IQSEC1: variants seen among roughly 807,000 people sequenced by gnomAD.
IQSEC1 encodes the protein IQ motif and SEC7 domain-containing protein 1.
In IQSEC1, 31 loss-of-function variants were observed where a neutral mutation model predicts 91.0. The ratio of observed to expected loss-of-function variants is 0.34; its 90% CI spans 0.26 to 0.46. IQSEC1 has a LOEUF of 0.46. Ranked by LOEUF, IQSEC1 falls within the 20% of genes least tolerant of loss-of-function variation. The pLI, the probability that IQSEC1 is intolerant of heterozygous loss-of-function variation, is 1.00. For missense variants in IQSEC1, 1,388 were observed against 1,575.6 expected (o/e 0.88, Z 2.02); for synonymous variants, 699 against 662.6 (o/e 1.05, Z -0.84).
intron 1 of IQSEC1, among the ~76,000 whole-genome samples, chr3:13,234,049 A>G (rs1025920542): frequency 1.1e-4 from 17 of 152,240 alleles, no homozygotes; most frequent in African/African-American, 3.9e-4. Flanking sequence ...CCGGGATCCC[A>G]GTGGAATTTA....
chr3:13,183,441 C>T (rs1291633353), intron 1 of IQSEC1, among the ~76,000 whole-genome samples: 2 of 151,700 alleles, frequency 1.3e-5, no homozygotes, highest in Non-Finnish European at 2.9e-5. Context: ...TGGTGCAGGC[C>T]TGTGGTCCCA....
intron 1 of IQSEC1, among the ~76,000 whole-genome samples, chr3:13,280,964 A>C (rs1027955348): frequency 9.9e-5 from 15 of 152,190 alleles, no homozygotes; most frequent in African/African-American, 3.6e-4. Context: ...GGCTGCCTGG[A>C]TGCAACCCAG....
intron 9 of IQSEC1, among the ~76,000 whole-genome samples, chr3:12,912,931 T>G (rs544873217): frequency 6.6e-6 from 1 of 152,328 alleles, no homozygotes; most frequent in African/African-American, 2.4e-5. Flanking sequence ...AGGTGGGGCT[T>G]GGGACCTAGG....
At chr3:12,961,726 AC>A (rs1343297989) in intron 1 of IQSEC1, among the ~76,000 whole-genome samples, 1 of 152,210 alleles carries the variant, frequency 6.6e-6, no homozygotes, top group Non-Finnish European at 1.5e-5. Flanking sequence ...CGGGCCTAAA[AC>A]ATCAGCTAAA....
At chr3:13,106,747 C>A (rs901193536) in intron 2 of IQSEC1, among the ~76,000 whole-genome samples, 6 of 152,246 alleles carry the variant, frequency 3.9e-5, no homozygotes, top group African/African-American at 1.4e-4. Context: ...CCTGAGTACA[C>A]ACTCAAAACA....
At chr3:12,944,456 T>A (rs113364236) in intron 1 of IQSEC1, among the ~76,000 whole-genome samples, 36 of 152,300 alleles carry the variant, frequency 2.4e-4, no homozygotes, top group African/African-American at 8.2e-4. Flanking sequence ...CATCCCACAC[T>A]GTCTGACCCC....
chr3:13,167,710 G>A (rs1189589506), intron 1 of IQSEC1, among the ~76,000 whole-genome samples: 1 of 152,202 alleles, frequency 6.6e-6, no homozygotes, highest in Non-Finnish European at 1.5e-5. Flanking sequence ...GCCTTCAGAC[G>A]GCCAAGGCTC....
At chr3:12,906,015 C>T (rs1173782385) in intron 12 of IQSEC1, among the ~76,000 whole-genome samples, 2 of 152,214 alleles carry the variant, frequency 1.3e-5, no homozygotes, top group East Asian at 3.8e-4. Flanking sequence ...GGGGCCGGCG[C>T]CAGCCCCCTT....
chr3:13,212,131 T>G (rs1286072729), intron 1 of IQSEC1, among the ~76,000 whole-genome samples: 1 of 152,212 alleles, frequency 6.6e-6, no homozygotes, highest in Non-Finnish European at 1.5e-5. Context: ...AAAGTGGAGC[T>G]AATCGTACCT....
intron 1 of IQSEC1, among the ~76,000 whole-genome samples, chr3:13,063,108 C>T (rs1175986112): frequency 6.6e-6 from 1 of 152,218 alleles, no homozygotes; most frequent in Non-Finnish European, 1.5e-5. Flanking sequence ...AGCCGGGACT[C>T]CTGGGCTGGG....
chr3:12,976,343 C>T (rs570159918), intron 1 of IQSEC1, among the ~76,000 whole-genome samples: 4 of 152,346 alleles, frequency 2.6e-5, no homozygotes, highest in South Asian at 4.1e-4. Context: ...AGTGGGGAAG[C>T]GGTCCTTGCC....
At chr3:13,262,064 G>A (rs773359575) in intron 1 of IQSEC1, among the ~76,000 whole-genome samples, 2 of 152,202 alleles carry the variant, frequency 1.3e-5, no homozygotes, top group Non-Finnish European at 2.9e-5. Context: ...CTTTTCCTGT[G>A]ACCATAAAGC....
chr3:12,949,591 C>T (rs71306030), intron 1 of IQSEC1, among the ~76,000 whole-genome samples: 2,995 of 152,370 alleles, frequency 0.02, 169 homozygotes, highest in Admixed American at 0.12. Flanking sequence ...CAATTCATTT[C>T]CAGCCCTCAC....
chr3:13,276,566 G>A (rs1440335833), intron 1 of IQSEC1, among the ~76,000 whole-genome samples: 1 of 152,288 alleles, frequency 6.6e-6, no homozygotes, highest in African/African-American at 2.4e-5. Flanking sequence ...CAAGCAGCAG[G>A]GAAGTGGCTG....
At position 13,193,372 on chromosome 3, in the gene IQSEC1, C is replaced by T. The variant is rs1692939106; in HGVS notation, c.273-29239G>A. Reference sequence around the variant, plus strand: ...TGGGGGTGGGAGGTCTGAAATCCACCAGTGAGTTTTAAACTAGGAAGGTAA... The same window carrying T: ...TGGGGGTGGGAGGTCTGAAATCCACTAGTGAGTTTTAAACTAGGAAGGTAA... On this transcript the variant is annotated intron_variant, in intron 1 of 15. Transcript: ENST00000648114. The surrounding 1 kb of genome is among the most constrained non-coding windows in gnomAD (Gnocchi z 4.2). Among the ~76,000 whole-genome samples, 1 of 152,140 alleles carries T rather than the reference C, an allele frequency of 6.6e-6. No individual in the cohort carries two copies. Among genetic ancestry groups the T allele is most frequent in the African/African-American group, 2.4e-5 (1 of 41,404 alleles).
intron 1 of IQSEC1, among the ~76,000 whole-genome samples, chr3:13,060,905 G>C (rs1469979765): frequency 6.6e-6 from 1 of 152,180 alleles, no homozygotes; most frequent in Non-Finnish European, 1.5e-5. Flanking sequence ...TCAGCCCAGG[G>C]GGGAGCCTTG....
chr3:13,015,660 G>T (rs1703091745), intron 1 of IQSEC1: 1 of 985,036 alleles, frequency 1.0e-6, no homozygotes, highest in Admixed American at 6.1e-5. Flanking sequence ...TGAGCTGTGG[G>T]TCCATCCCCA....
At chr3:12,917,274 T>C (rs982479299) in intron 6 of IQSEC1, among the ~76,000 whole-genome samples, 6 of 152,234 alleles carry the variant, frequency 3.9e-5, no homozygotes, top group East Asian at 1.9e-4. Context: ...ATGTTTTAGA[T>C]TGGGGTCCAC....
rs777905440 is a variant in IQSEC1 at position 12,899,187 on chromosome 3, G to T, written c.*1796C>A. On this transcript the variant is annotated 3_prime_UTR_variant, in exon 14 of 14. Transcript: ENST00000613206. ...TGGGAGGGATGTGAGGAGGGAAATC[G>T]GCAAAACCCTGGCCAGCCAGCCAGC... 2 of 600,172 alleles carry T rather than the reference G, an allele frequency of 3.3e-6. No individual in the cohort carries two copies. The highest frequency in any genetic ancestry group is 2.8e-5 in the East Asian group (1 of 35,664). The allele number at this position is 600,172 out of a possible 1,614,324, so 37.2% of individuals were successfully genotyped here.
Sources: gnomAD v4.1 joint callset for allele counts (sites outside exome capture counted in the v4.1 genomes callset) on GRCh38, gnomAD v4.1.1 for gene constraint, Gnocchi (gnomAD v3.1) non-coding constraint, MANE v1.5 for transcripts, NCBI Gene and HGNC (gene_info 2026-07-23, HGNC 2026-07-21) for gene names.